The following SEMA3D variants were observed in gnomAD, a reference collection of about 807,000 sequenced individuals.
SEMA3D encodes semaphorin 3D, also known as semaphorin-3D.
SEMA3D carries 84 observed loss-of-function variants against 100.1 expected under a neutral mutation model. The observed-to-expected ratio is 0.84, with a 90% CI of 0.70 to 1.01. The LOEUF (loss-of-function observed/expected upper bound fraction) is 1.01. SEMA3D is among the 50% of genes least tolerant of loss of function. SEMA3D has a pLI of 0.00. For synonymous variants in SEMA3D, 312 were observed against 320.7 expected (o/e 0.97, Z 0.29); for missense variants, 875 against 934.1 (o/e 0.94, Z 0.82).
the SEMA3D span, among the ~76,000 whole-genome samples, chr7:85,223,305 C>T: frequency 6.6e-6 from 1 of 151,980 alleles, no homozygotes; most frequent in African/African-American, 2.4e-5. Flanking sequence ...ATTTTAATGA[C>T]AATACCACAA....
chr7:85,239,484 T>C, the SEMA3D span, among the ~76,000 whole-genome samples: 1 of 152,186 alleles, frequency 6.6e-6, no homozygotes, highest in Non-Finnish European at 1.5e-5. Flanking sequence ...TTCATTTCTG[T>C]TGTTTGTAAA....
intron 12 of SEMA3D, among the ~76,000 whole-genome samples, chr7:85,023,061 CAA>C (rs373155990): frequency 6.6e-6 from 1 of 151,870 alleles, no homozygotes; most frequent in African/African-American, 2.4e-5. Flanking sequence ...AAACAGTTCA[CAA>C]AAATTAATTT....
intron 2 of SEMA3D, among the ~76,000 whole-genome samples, chr7:85,124,218 T>C (rs1234978419): frequency 6.6e-6 from 1 of 152,072 alleles, no homozygotes; most frequent in East Asian, 1.9e-4. Flanking sequence ...TTCTTGCAAC[T>C]TGTTAGTTTT....
At chr7:85,137,377 G>C (rs1260889219) in intron 2 of SEMA3D, among the ~76,000 whole-genome samples, 4 of 151,790 alleles carry the variant, frequency 2.6e-5, no homozygotes, top group South Asian at 2.1e-4. Flanking sequence ...ACATAGGGGT[G>C]TGTGTGTGTA....
chr7:85,144,787 A>T, intron 2 of SEMA3D: 2 of 471,164 alleles, frequency 4.2e-6, no homozygotes, highest in Non-Finnish European at 5.6e-6. Flanking sequence ...TTTGATTAGG[A>T]TTTATTATAT....
At chr7:85,210,910 C>T in the SEMA3D span, among the ~76,000 whole-genome samples, 5 of 151,942 alleles carry the variant, frequency 3.3e-5, no homozygotes, top group Non-Finnish European at 1.5e-5. Context: ...TGTTTTTATT[C>T]ATGTATTAAT....
the SEMA3D span, among the ~76,000 whole-genome samples, chr7:85,243,155 T>G: frequency 5.9e-5 from 9 of 152,176 alleles, no homozygotes; most frequent in Non-Finnish European, 1.0e-4. Context: ...TGATGGAACC[T>G]CAGCAGGTTA....
intron 12 of SEMA3D, among the ~76,000 whole-genome samples, chr7:85,030,925 A>G (rs1432783922): frequency 6.7e-6 from 1 of 150,172 alleles, no homozygotes; most frequent in Non-Finnish European, 1.5e-5. Context: ...TATTACCAAA[A>G]CCTGGCAGGG....
At chr7:85,038,798 C>A (rs184390938) in intron 11 of SEMA3D, among the ~76,000 whole-genome samples, 3 of 152,212 alleles carry the variant, frequency 2.0e-5, no homozygotes, top group African/African-American at 4.8e-5. Flanking sequence ...AAAATAGCAG[C>A]TTCCTAGGAT....
chr7:85,004,359 A>T (rs539668281), intron 18 of SEMA3D, among the ~76,000 whole-genome samples: 1 of 152,282 alleles, frequency 6.6e-6, no homozygotes, highest in South Asian at 2.1e-4. Flanking sequence ...TAATGCAAGT[A>T]TTTGAAGATT....
chr7:85,072,483 T>C (rs2116185721), intron 6 of SEMA3D, among the ~76,000 whole-genome samples: 1 of 152,286 alleles, frequency 6.6e-6, no homozygotes, highest in African/African-American at 2.4e-5. Flanking sequence ...AGCAACATAC[T>C]ATGTATATCT....
chr7:85,225,626 G>A, the SEMA3D span, among the ~76,000 whole-genome samples: 1 of 152,128 alleles, frequency 6.6e-6, no homozygotes, highest in African/African-American at 2.4e-5. Flanking sequence ...TTAATTGACA[G>A]AAAAATTGTG....
At chr7:85,084,790 G>A (rs1190850606) in intron 4 of SEMA3D, among the ~76,000 whole-genome samples, 2 of 151,980 alleles carry the variant, frequency 1.3e-5, no homozygotes, top group Non-Finnish European at 2.9e-5. Flanking sequence ...ATGTCCCACC[G>A]TGTGTTGTTC....
At chr7:85,082,352 C>CT (rs1425401312) in intron 4 of SEMA3D, among the ~76,000 whole-genome samples, 1 of 152,090 alleles carries the variant, frequency 6.6e-6, no homozygotes, top group Admixed American at 6.6e-5. Flanking sequence ...GAGTTCAAGG[C>CT]TTTTTTCTTT....
At chr7:85,127,928 T>C (rs1275148396) in intron 2 of SEMA3D, among the ~76,000 whole-genome samples, 1 of 152,060 alleles carries the variant, frequency 6.6e-6, no homozygotes, top group Non-Finnish European at 1.5e-5. Context: ...GTAGAACATT[T>C]TGTCAACTTT....
chr7:85,181,750 G>A (rs912020590), intron 1 of SEMA3D: 1 of 976,086 alleles, frequency 1.0e-6, no homozygotes, highest in African/African-American at 1.8e-5. Context: ...TTGCAAATGA[G>A]TGAGCAAACT....
intron 8 of SEMA3D, among the ~76,000 whole-genome samples, chr7:85,063,435 C>A (rs1202565450): frequency 1.3e-5 from 2 of 152,154 alleles, no homozygotes; most frequent in Non-Finnish European, 2.9e-5. Context: ...TCAATTGAGA[C>A]TTCCTCTACC....
At chr7:85,100,271 C>G (rs1788705673) in intron 3 of SEMA3D, among the ~76,000 whole-genome samples, 1 of 150,930 alleles carries the variant, frequency 6.6e-6, no homozygotes, top group South Asian at 2.1e-4. Context: ...TACGTAGCAG[C>G]AAAGTTGATA....
intron 12 of SEMA3D, among the ~76,000 whole-genome samples, chr7:85,029,949 CAAAAG>C (rs1790499709): frequency 6.6e-6 from 1 of 151,702 alleles, no homozygotes; most frequent in Admixed American, 6.6e-5. Context: ...AAAGATTAAA[CAAAAG>C]AAAACTAACC....
Sources: allele counts gnomAD v4.1 joint callset (sites outside exome capture counted in the v4.1 genomes callset), GRCh38; gene constraint gnomAD v4.1.1; transcripts MANE v1.5; gene names NCBI Gene and HGNC (gene_info 2026-07-23, HGNC 2026-07-21).